SAMD7: variants seen among roughly 807,000 people sequenced by gnomAD.
SAMD7 encodes the protein sterile alpha motif domain-containing protein 7.
In SAMD7, 34 loss-of-function variants were observed where a neutral mutation model predicts 36.7. The observed-to-expected ratio is 0.93, with a 90% CI of 0.71 to 1.23. SAMD7 has a LOEUF of 1.23. Among genes scored for constraint, SAMD7 ranks in the 50% most tolerant of loss-of-function variants. The pLI is 0.00. For synonymous variants in SAMD7, 188 were observed against 189.7 expected (o/e 0.99, Z 0.07); for missense variants, 570 against 546.6 (o/e 1.04, Z -0.43).
intron 7 of SAMD7, chr3:169,931,946 T>G (rs1713512010): frequency 2.6e-6 from 1 of 384,888 alleles, no homozygotes; most frequent in East Asian, 7.5e-5. Flanking sequence ...TGCCTCTCCT[T>G]GATAAGTGAG....
At chr3:169,924,517 G>A (rs1180654153) in intron 4 of SAMD7, among the ~76,000 whole-genome samples, 1 of 152,112 alleles carries the variant, frequency 6.6e-6, no homozygotes, top group African/African-American at 2.4e-5. Flanking sequence ...AACCTGGGAG[G>A]TAGAGGTTGT....
intron 2 of SAMD7, among the ~76,000 whole-genome samples, chr3:169,916,200 T>A (rs572973909): frequency 3.1e-4 from 47 of 152,242 alleles, no homozygotes; most frequent in Non-Finnish European, 4.7e-4. Context: ...ATTCTTCTTC[T>A]CTGAGGTGTC....
At chr3:169,938,272 A>G in intron 8 of SAMD7, 46 bp from the exon 9 acceptor site, 1 of 1,363,102 alleles carries the variant, frequency 7.3e-7, no homozygotes. Context: ...TGAGTTAATG[A>G]AAAAAATTCA....
chr3:169,925,368 T>TAAA (rs59937452), intron 5 of SAMD7, among the ~76,000 whole-genome samples: 3 of 147,278 alleles, frequency 2.0e-5, no homozygotes, highest in African/African-American at 7.5e-5. Flanking sequence ...TGCTTTCACT[T>TAAA]AAAAAAAAAA....
intron 7 of SAMD7, among the ~76,000 whole-genome samples, chr3:169,929,163 C>T (rs1354734025): frequency 6.6e-6 from 1 of 152,122 alleles, no homozygotes; most frequent in Admixed American, 6.5e-5. Context: ...CAGTTAGAAA[C>T]AAAACTAGCC....
Position 169,927,119 on chromosome 3 carries a change from T to C in SAMD7, c.857T>C (p.Ile286Thr). 1 of 1,577,580 alleles carries C rather than the reference T, an allele frequency of 6.3e-7. No homozygotes were observed. The highest frequency in any genetic ancestry group is 8.6e-7 in the Non-Finnish European group (1 of 1,168,140). ...GGGAAAGAGGAGGCTTCGGAGCAGA[T>C]TTTTGCAACCTGTGATGAAAAGAAT... is the stretch of plus-strand genomic sequence containing the variant. The part of the protein sequence containing the change: ...DDGKEEASEQ[I>T]FATCDEKNGV... The change falls in exon 6 of 9, where the codon ATT becomes ACT. Residue 286 changes from isoleucine (I) to threonine (T), a missense_variant. Transcript: ENST00000335556.
In SAMD7 at chr3:169,938,368, T is replaced by C. The variant is rs760072418; in HGVS notation, c.1203T>C (p.Pro401=). The change falls in exon 9 of 9, where the codon CCT becomes CCC. Residue 401 remains proline (P), a synonymous_variant. Transcript: ENST00000335556. ...SMFYKKTLSF[P]IRQAFDQPAD... ...TCTACAAGAAAACTCTTTCATTTCC[T>C]ATAAGACAAGCATTTGATCAACCAG... 3.5e-5 allele frequency: 57 copies of C among 1,612,838 alleles called. No homozygotes were observed. Among genetic ancestry groups the C allele is most frequent in the Non-Finnish European group, 4.7e-5 (55 of 1,178,914 alleles).
At chr3:169,913,219 A>G (rs1559946480) in intron 1 of SAMD7, among the ~76,000 whole-genome samples, 1 of 152,266 alleles carries the variant, frequency 6.6e-6, no homozygotes, top group Non-Finnish European at 1.5e-5. Flanking sequence ...ATTTTAATGT[A>G]TGTAATCAGA....
rs1371486020 is a variant in SAMD7, at chr3:169,927,163, C to G, written c.901C>G (p.Pro301Ala). The change falls in exon 6 of 9, where the codon CCT becomes GCT. Residue 301 changes from proline to alanine, a missense_variant. By Grantham distance (27) the Pro-to-Ala change is conservative. Transcript: ENST00000335556. ...AAAGAATGGGGTTTGCCCTCCAGTTCCTCGACCATCTCTGCCAGGTGGGTG... is the reference window on the plus strand; with the variant it reads ...AAAGAATGGGGTTTGCCCTCCAGTTGCTCGACCATCTCTGCCAGGTGGGTG... Reference protein sequence around the residue: ...DEKNGVCPPVPRPSLPGTHAL... With the variant: ...DEKNGVCPPVARPSLPGTHAL... 2 of 1,531,018 alleles carry G rather than the reference C, an allele frequency of 1.3e-6. No individual in the cohort carries two copies. The highest frequency in any genetic ancestry group is 1.7e-6 in the Non-Finnish European group (2 of 1,144,236). 94.8% of individuals were successfully genotyped at this position (1,531,018 alleles called of 1,614,324 possible). A position where few individuals can be genotyped will look rare whatever the true frequency, so the allele number is the denominator to read the frequency against.
At chr3:169,926,489 G>T (rs537376287) in intron 5 of SAMD7, 64 bp from the exon 6 acceptor site, 3 of 1,461,458 alleles carry the variant, frequency 2.1e-6, no homozygotes, top group Non-Finnish European at 2.8e-6. Flanking sequence ...AAGACAAGGG[G>T]TCATTAAAAT....
At chr3:169,937,967 C>G (rs1030447429) in intron 8 of SAMD7, among the ~76,000 whole-genome samples, 3 of 152,204 alleles carry the variant, frequency 2.0e-5, no homozygotes, top group African/African-American at 7.2e-5. Flanking sequence ...AATAGCTCCC[C>G]ATTGCCTTCA....
At chr3:169,928,889 G>C (rs926946632) in intron 7 of SAMD7, among the ~76,000 whole-genome samples, 15 of 152,094 alleles carry the variant, frequency 9.9e-5, no homozygotes, top group African/African-American at 3.6e-4. Flanking sequence ...AAAAAGAATG[G>C]GAAATAACGA....
intron 7 of SAMD7, chr3:169,932,423 C>G: frequency 1.6e-6 from 1 of 619,756 alleles, no homozygotes; most frequent in Admixed American, 1.8e-5. Flanking sequence ...AACCATATGC[C>G]GGTTATGATA....
intron 4 of SAMD7, among the ~76,000 whole-genome samples, chr3:169,924,545 C>G (rs1202729960): frequency 6.6e-6 from 1 of 152,064 alleles, no homozygotes; most frequent in Non-Finnish European, 1.5e-5. Context: ...CAAGATCACA[C>G]CACTGCACTT....
intron 7 of SAMD7, among the ~76,000 whole-genome samples, chr3:169,935,930 G>A (rs1303761230): frequency 6.6e-6 from 1 of 152,184 alleles, no homozygotes; most frequent in Non-Finnish European, 1.5e-5. Context: ...TGTGAGACAT[G>A]AAATTTATCC....
chr3:169,918,229 C>T (rs1712899711), intron 2 of SAMD7, among the ~76,000 whole-genome samples: 1 of 152,264 alleles, frequency 6.6e-6, no homozygotes, highest in African/African-American at 2.4e-5. Flanking sequence ...TGAGCCACCG[C>T]ACCTGGCCCT....
intron 1 of SAMD7, among the ~76,000 whole-genome samples, chr3:169,914,484 A>T (rs574135271): frequency 6.6e-6 from 1 of 152,264 alleles, no homozygotes; most frequent in African/African-American, 2.4e-5. Context: ...GATGCCAATG[A>T]CTCATCGTCC....
intron 4 of SAMD7, among the ~76,000 whole-genome samples, chr3:169,922,660 C>T (rs545007393): frequency 2.6e-5 from 4 of 152,228 alleles, no homozygotes; most frequent in Admixed American, 6.5e-5. Context: ...CCACCACACC[C>T]GGCTAATTTT....
chr3:169,935,802 A>G (rs527677760), intron 7 of SAMD7, among the ~76,000 whole-genome samples: 16 of 152,312 alleles, frequency 1.1e-4, no homozygotes, highest in African/African-American at 3.9e-4. Flanking sequence ...CGTCCACTAC[A>G]GTTTCAGGAC....
Sources: allele counts gnomAD v4.1 joint callset (sites outside exome capture counted in the v4.1 genomes callset), GRCh38; gene constraint gnomAD v4.1.1; transcripts MANE v1.5; gene names NCBI Gene and HGNC (gene_info 2026-07-23, HGNC 2026-07-21).